SLC22A23: variants seen among roughly 807,000 people sequenced by gnomAD.
SLC22A23 encodes solute carrier family 22 member 23, also known as ion transporter protein.
Under a neutral mutation model 61.0 loss-of-function variants are expected in SLC22A23, and 26 were observed. The ratio of observed to expected loss-of-function variants is 0.43; its 90% CI spans 0.31 to 0.59. SLC22A23 has a LOEUF of 0.59. Ranked by LOEUF, SLC22A23 falls within the 20% of genes least tolerant of loss-of-function variation. The probability of loss-of-function intolerance (pLI) is 0.11; values close to 1 mark genes in which losing one functional copy is unlikely to be tolerated. For missense variants in SLC22A23, 796 were observed against 934.7 expected (o/e 0.85, Z 1.94); for synonymous variants, 430 against 413.9 (o/e 1.04, Z -0.47).
chr6:3,278,235 G>A (rs1278356702), intron 9 of SLC22A23, among the ~76,000 whole-genome samples: 2 of 152,202 alleles, frequency 1.3e-5, no homozygotes, highest in African/African-American at 2.4e-5. Context: ...CCTTAGCCAC[G>A]GAGGGAGACT....
intron 3 of SLC22A23, among the ~76,000 whole-genome samples, chr6:3,366,664 T>C (rs1765859000): frequency 6.6e-6 from 1 of 152,198 alleles, no homozygotes; most frequent in Admixed American, 6.5e-5. Context: ...ATGTAATTGC[T>C]GAAGTTCACA....
intron 3 of SLC22A23, among the ~76,000 whole-genome samples, chr6:3,384,257 CTAAAG>C (rs1191356399): frequency 2.0e-5 from 3 of 152,312 alleles, no homozygotes; most frequent in African/African-American, 4.8e-5. Flanking sequence ...TGCTCCTTCT[CTAAAG>C]TAAACAATCT....
chr6:3,409,504 C>T (rs1414883110), intron 3 of SLC22A23, among the ~76,000 whole-genome samples: 2 of 152,180 alleles, frequency 1.3e-5, no homozygotes, highest in Non-Finnish European at 2.9e-5. Context: ...GTATTCCCAA[C>T]AGATCTTTCC....
rs994963480 is a variant in SLC22A23, at chr6:3,330,357, C to T, written c.914-6355G>A. 3.9e-5 allele frequency among the ~76,000 whole-genome samples: 6 copies of T among 152,242 alleles called. No homozygotes were observed. Among genetic ancestry groups the T allele is most frequent in the African/African-American group, 7.2e-5 (3 of 41,468 alleles). Reference sequence around the variant, plus strand: ...GCTGACACCCACCTGGAGACCACCACAGTCCTCTGAAGACAGCCCCATCAT... The same window carrying T: ...GCTGACACCCACCTGGAGACCACCATAGTCCTCTGAAGACAGCCCCATCAT... On this transcript the variant is annotated intron_variant, in intron 3 of 9. Transcript: ENST00000406686. This position sits in a 1 kb window ranked among gnomAD's most constrained non-coding sequence, Gnocchi z 4.7.
intron 4 of SLC22A23, among the ~76,000 whole-genome samples, chr6:3,316,256 T>C (rs564989140): frequency 2.0e-5 from 3 of 152,306 alleles, no homozygotes; most frequent in South Asian, 2.1e-4. Context: ...CACCTACAAA[T>C]AGGAATAAAT....
chr6:3,409,800 C>T (rs1304929098), intron 3 of SLC22A23, among the ~76,000 whole-genome samples: 2 of 152,202 alleles, frequency 1.3e-5, no homozygotes, highest in African/African-American at 4.8e-5. Context: ...CAACTGTGGA[C>T]ATGAGAATGT....
intron 4 of SLC22A23, among the ~76,000 whole-genome samples, chr6:3,323,107 A>G (rs927677667): frequency 1.3e-4 from 20 of 152,180 alleles, no homozygotes; most frequent in African/African-American, 4.3e-4. Context: ...CAGTGTGTTT[A>G]GTGTTCCCCC....
intron 6 of SLC22A23, among the ~76,000 whole-genome samples, chr6:3,289,297 T>C (rs1029340308): frequency 1.3e-5 from 2 of 152,242 alleles, no homozygotes; most frequent in Admixed American, 1.3e-4. Context: ...CTGCGCTCAC[T>C]GGCCTGGCTC....
At chr6:3,338,585 C>T (rs1405924889) in intron 3 of SLC22A23, among the ~76,000 whole-genome samples, 1 of 152,256 alleles carries the variant, frequency 6.6e-6, no homozygotes, top group Non-Finnish European at 1.5e-5. Flanking sequence ...GCTGGGATTA[C>T]AGGCGTGAGC....
intron 3 of SLC22A23, among the ~76,000 whole-genome samples, chr6:3,383,170 C>T (rs905005719): frequency 2.0e-5 from 3 of 152,152 alleles, no homozygotes; most frequent in African/African-American, 7.2e-5. Flanking sequence ...TCAACACAGG[C>T]GGCATCTCAG....
At chr6:3,443,955 T>G (rs953062589) in intron 1 of SLC22A23, among the ~76,000 whole-genome samples, 6 of 152,224 alleles carry the variant, frequency 3.9e-5, no homozygotes, top group African/African-American at 1.2e-4. Flanking sequence ...CACCCCACTT[T>G]GTGATCTCAG....
At chr6:3,343,820 A>T (rs1429714123) in intron 3 of SLC22A23, among the ~76,000 whole-genome samples, 1 of 152,220 alleles carries the variant, frequency 6.6e-6, no homozygotes, top group Non-Finnish European at 1.5e-5. Context: ...AAATACATAC[A>T]CACAAGAAGC....
chr6:3,426,273 T>C (rs763365540), intron 1 of SLC22A23, among the ~76,000 whole-genome samples: 2 of 152,222 alleles, frequency 1.3e-5, no homozygotes, highest in African/African-American at 2.4e-5. Flanking sequence ...CAAGTCAGAC[T>C]TGAGCAGAGC....
rs1228396691 is a variant in SLC22A23 at position 3,333,420 on chromosome 6, T to A, written c.914-9418A>T. On this transcript the variant is annotated intron_variant, in intron 3 of 9. Coordinates refer to ENST00000406686, the MANE Select transcript of SLC22A23 (RefSeq NM_015482.2). The surrounding 1 kb of genome is among the most constrained non-coding windows in gnomAD (Gnocchi z 4.1). ...AAGTCTTTCACAGTGACCCATGTGA[T>A]TTCCACCCCTCCCGCATCCCTCAGA... Among the ~76,000 whole-genome samples, 2 of 151,960 alleles carry A rather than the reference T, an allele frequency of 1.3e-5. No homozygotes were observed. The highest frequency in any genetic ancestry group is 2.9e-5 in the Non-Finnish European group (2 of 67,998).
At chr6:3,392,742 A>C (rs1265791632) in intron 3 of SLC22A23, among the ~76,000 whole-genome samples, 5 of 152,162 alleles carry the variant, frequency 3.3e-5, no homozygotes, top group Non-Finnish European at 5.9e-5. Context: ...TAATGGTTCT[A>C]GGGAGGGATG....
intron 9 of SLC22A23, chr6:3,282,398 T>C: frequency 1.5e-6 from 1 of 689,066 alleles, no homozygotes; most frequent in African/African-American, 1.8e-5. Flanking sequence ...AGGTGCCCAG[T>C]AGCTGTCAGG....
intron 5 of SLC22A23, among the ~76,000 whole-genome samples, chr6:3,293,401 C>CA (rs746407351): frequency 1.3e-5 from 2 of 152,256 alleles, no homozygotes; most frequent in Non-Finnish European, 2.9e-5. Flanking sequence ...CTCTTCCCCA[C>CA]AGCCCCTCAC....
chr6:3,413,507 A>G (rs1026533887), intron 2 of SLC22A23, among the ~76,000 whole-genome samples: 2 of 152,244 alleles, frequency 1.3e-5, no homozygotes, highest in African/African-American at 4.8e-5. Flanking sequence ...ACAGCGAAGA[A>G]GTGAGCGCAT....
At chr6:3,279,013 T>C (rs2127295594) in intron 9 of SLC22A23, among the ~76,000 whole-genome samples, 1 of 152,318 alleles carries the variant, frequency 6.6e-6, no homozygotes, top group South Asian at 2.1e-4. Flanking sequence ...AAGCCTTGCA[T>C]TGTGCCTGGT....
Sources: allele counts gnomAD v4.1 joint callset (sites outside exome capture counted in the v4.1 genomes callset), GRCh38; gene constraint gnomAD v4.1.1; non-coding constraint Gnocchi (gnomAD v3.1); transcripts MANE v1.5; gene names NCBI Gene and HGNC (gene_info 2026-07-23, HGNC 2026-07-21).